SH3RF1: variants seen among roughly 807,000 people sequenced by gnomAD.
The protein encoded by SH3RF1 is E3 ubiquitin-protein ligase SH3RF1.
A neutral mutation model predicts 74.0 loss-of-function variants in SH3RF1; 32 were observed. That is an observed-to-expected ratio of 0.43 (90% confidence interval 0.33 to 0.58). SH3RF1 has a LOEUF of 0.58. Ranked by LOEUF, SH3RF1 falls within the 20% of genes least tolerant of loss-of-function variation. SH3RF1 has a pLI of 0.05. For synonymous variants in SH3RF1, 396 were observed against 439.6 expected, an observed-to-expected ratio of 0.90 and a Z score of 1.24; for missense variants, 954 against 1,130.9, an observed-to-expected ratio of 0.84 and a Z score of 2.24.
At chr4:169,210,337 G>A (rs1050148120) in intron 2 of SH3RF1, among the ~76,000 whole-genome samples, 1 of 152,094 alleles carries the variant, frequency 6.6e-6, no homozygotes, top group Non-Finnish European at 1.5e-5. Flanking sequence ...TAATTCACAT[G>A]AAGACAAAAC....
chr4:169,227,680 G>C (rs1340190341), intron 2 of SH3RF1, among the ~76,000 whole-genome samples: 1 of 152,084 alleles, frequency 6.6e-6, no homozygotes, highest in Non-Finnish European at 1.5e-5. Context: ...CTCTCTCTGT[G>C]TGCCTTTCTC....
intron 2 of SH3RF1, among the ~76,000 whole-genome samples, chr4:169,163,429 G>T (rs1489242990): frequency 1.3e-5 from 2 of 152,234 alleles, no homozygotes; most frequent in Admixed American, 1.3e-4. Flanking sequence ...ATGTTTAAAA[G>T]GCAATGTTGC....
In SH3RF1 at chr4:169,109,906, G is replaced by A. The variant is rs189466285; in HGVS notation, c.2140-2701C>T. 4.6e-5 allele frequency among the ~76,000 whole-genome samples: 7 copies of A among 151,880 alleles called. No homozygotes were observed. The East Asian group carries it at 1.4e-3, about 29-fold the overall frequency. ...TGCCTGTGGTCCCATCTACTCCGGAGCCTGAGGTGGGAGGGAGGGTTGCTT... is the reference window on the plus strand; with the variant it reads ...TGCCTGTGGTCCCATCTACTCCGGAACCTGAGGTGGGAGGGAGGGTTGCTT... On this transcript the variant is annotated intron_variant, in intron 10 of 11. Transcript: ENST00000284637.
intron 5 of SH3RF1, among the ~76,000 whole-genome samples, chr4:169,130,627 A>G (rs1450657616): frequency 6.6e-6 from 1 of 152,192 alleles, no homozygotes; most frequent in East Asian, 1.9e-4. Context: ...ATCATTTTTC[A>G]TGACTTCTAC....
intron 2 of SH3RF1, among the ~76,000 whole-genome samples, chr4:169,203,774 T>G (rs1180867891): frequency 1.3e-5 from 2 of 152,192 alleles, no homozygotes; most frequent in African/African-American, 4.8e-5. Flanking sequence ...TTTTCTTATC[T>G]TCTCTTCCAT....
intron 2 of SH3RF1, among the ~76,000 whole-genome samples, chr4:169,218,382 T>C (rs1386858970): frequency 2.1e-5 from 3 of 140,940 alleles, no homozygotes; most frequent in African/African-American, 5.3e-5. Context: ...GAATATAGAA[T>C]ATATATATTA....
chr4:169,244,908 A>T (rs1403303051), intron 2 of SH3RF1, among the ~76,000 whole-genome samples: 1 of 152,232 alleles, frequency 6.6e-6, no homozygotes, highest in African/African-American at 2.4e-5. Flanking sequence ...CCAAAAATAC[A>T]AGTCCAGTTT....
intron 2 of SH3RF1, among the ~76,000 whole-genome samples, chr4:169,163,056 G>A (rs1734175624): frequency 6.6e-6 from 1 of 151,186 alleles, no homozygotes; most frequent in African/African-American, 2.4e-5. Context: ...CAGCCTTGCT[G>A]TTTTGCGGGG....
chr4:169,269,043 CCAA>C lies in SH3RF1; in HGVS notation c.167_169del (p.Val56del), dbSNP rs1731401804. ...ACTGGGAAGCTCCTCGACACCCGAG[CCAA>C]CAAGAGTCCTGCACTCGGGACATCT... On this transcript the variant is annotated inframe_deletion, in exon 2 of 12. Coordinates refer to ENST00000284637, the MANE Select transcript of SH3RF1 (RefSeq NM_020870.4). The C allele has an allele frequency of 6.2e-7, 1 of 1,614,070 alleles. No homozygotes were observed. Among genetic ancestry groups the C allele is most frequent in the African/African-American group, 1.3e-5 (1 of 74,916 alleles).
chr4:169,163,417 G>A (rs1469525951), intron 2 of SH3RF1, among the ~76,000 whole-genome samples: 1 of 152,170 alleles, frequency 6.6e-6, no homozygotes, highest in Non-Finnish European at 1.5e-5. Flanking sequence ...GCACTCAGGA[G>A]CATGTTTAAA....
chr4:169,104,640 G>A (rs935063162), intron 11 of SH3RF1, among the ~76,000 whole-genome samples: 2 of 152,160 alleles, frequency 1.3e-5, no homozygotes, highest in Admixed American at 6.5e-5. Context: ...CATGGCTCAT[G>A]CCTGTAATCC....
At chr4:169,261,646 A>G (rs1307094739) in intron 2 of SH3RF1, among the ~76,000 whole-genome samples, 5 of 152,148 alleles carry the variant, frequency 3.3e-5, no homozygotes, top group Non-Finnish European at 7.4e-5. Context: ...TTATAGATCA[A>G]TGTGAGTAGA....
At chr4:169,234,255 C>T (rs958145770) in intron 2 of SH3RF1, among the ~76,000 whole-genome samples, 14 of 152,092 alleles carry the variant, frequency 9.2e-5, no homozygotes, top group Admixed American at 3.9e-4. Context: ...CCACTGGCAT[C>T]TAGTGGGTAG....
chr4:169,154,122 C>T (rs10004048), intron 4 of SH3RF1, among the ~76,000 whole-genome samples: 60,596 of 151,934 alleles, frequency 0.4, 12,729 homozygotes, highest in African/African-American at 0.55. Context: ...CTTGTAGTTT[C>T]CCATTACCCA....
At chr4:169,265,948 T>C (rs1269734723) in intron 2 of SH3RF1, among the ~76,000 whole-genome samples, 2 of 152,218 alleles carry the variant, frequency 1.3e-5, no homozygotes, top group Non-Finnish European at 2.9e-5. Flanking sequence ...TTTATATATA[T>C]GCATTTTAAC....
chr4:169,111,076 G>A (rs1733236119), intron 10 of SH3RF1, among the ~76,000 whole-genome samples: 1 of 151,850 alleles, frequency 6.6e-6, no homozygotes, highest in African/African-American at 2.4e-5. Context: ...GGGAGGCCGA[G>A]GCAGGGGGAT....
intron 2 of SH3RF1, among the ~76,000 whole-genome samples, chr4:169,189,097 T>C (rs1229689819): frequency 1.3e-5 from 2 of 152,258 alleles, no homozygotes; most frequent in East Asian, 1.9e-4. Flanking sequence ...TCTGAAGAGA[T>C]TCTTGTCAGT....
chr4:169,172,808 G>C (rs1468908600), intron 2 of SH3RF1, among the ~76,000 whole-genome samples: 1 of 152,170 alleles, frequency 6.6e-6, no homozygotes, highest in African/African-American at 2.4e-5. Context: ...AGCAAGCGAA[G>C]AAGGTGGGAT....
Position 169,225,537 on chromosome 4 carries a change from G to A in SH3RF1, c.393+43283C>T, listed in dbSNP as rs3113833. Reference sequence around the variant, plus strand: ...GAGGGTTAAAAGCACAGATGTAAAGGAGGGTAAACTGGGTAAAAGGCCAAT... The same window carrying A: ...GAGGGTTAAAAGCACAGATGTAAAGAAGGGTAAACTGGGTAAAAGGCCAAT... On this transcript the variant is annotated intron_variant, in intron 2 of 11. Transcript: ENST00000284637. Among the ~76,000 whole-genome samples the A allele has an allele frequency of 6.1e-3, 929 of 152,316 alleles. 4 individuals are homozygous for A. Among genetic ancestry groups the A allele is most frequent in the Non-Finnish European group, 8.5e-3 (575 of 68,028 alleles).
Sources: gnomAD v4.1 joint callset for allele counts (sites outside exome capture counted in the v4.1 genomes callset) on GRCh38, gnomAD v4.1.1 for gene constraint, MANE v1.5 for transcripts, NCBI Gene and HGNC (gene_info 2026-07-23, HGNC 2026-07-21) for gene names.